Variants in DCC observed in about 807,000 individuals in gnomAD.
The protein encoded by DCC is netrin receptor DCC.
Under a neutral mutation model 172.5 loss-of-function variants are expected in DCC, and 58 were observed. The observed-to-expected ratio is 0.34, with a 90% CI of 0.27 to 0.42. The LOEUF (loss-of-function observed/expected upper bound fraction) is 0.42, where lower values mean the gene tolerates loss of function less well. DCC is among the 10% of genes least tolerant of loss of function. The probability of loss-of-function intolerance (pLI) is 1.00; values close to 1 mark genes in which losing one functional copy is unlikely to be tolerated. For synonymous variants in DCC, 709 were observed against 644.5 expected, an observed-to-expected ratio of 1.10 and a Z score of -1.52; for missense variants, 1,740 against 1,791.0, an observed-to-expected ratio of 0.97 and a Z score of 0.51.
In DCC at chr18:53,520,681, A is replaced by C. The variant is rs72918286; in HGVS notation, c.4112-5936A>C. ...TGAATCTACACACAAAAAAATACAAACATCATGTAGGGATGGAGTTATGCA... is the reference window on the plus strand; with the variant it reads ...TGAATCTACACACAAAAAAATACAACCATCATGTAGGGATGGAGTTATGCA... On this transcript the variant is annotated intron_variant, in intron 27 of 28. Transcript: ENST00000442544. Among the ~76,000 whole-genome samples, 371 of 152,146 alleles carry C rather than the reference A, an allele frequency of 2.4e-3. 2 individuals are homozygous for C. The highest frequency in any genetic ancestry group is 0.015 in the East Asian group (77 of 5,150).
At chr18:52,978,351 T>A (rs1045471892) in intron 5 of DCC, among the ~76,000 whole-genome samples, 1 of 151,960 alleles carries the variant, frequency 6.6e-6, no homozygotes, top group African/African-American at 2.4e-5. Context: ...AACAGAGAAG[T>A]GGGCAACACC....
chr18:53,487,679 G>T (rs1212640745), intron 26 of DCC, among the ~76,000 whole-genome samples: 1 of 151,960 alleles, frequency 6.6e-6, no homozygotes, highest in Non-Finnish European at 1.5e-5. Context: ...TTGAGGTAAG[G>T]TATATTTTTC....
intron 1 of DCC, among the ~76,000 whole-genome samples, chr18:52,346,784 T>A (rs2144232760): frequency 6.6e-6 from 1 of 152,316 alleles, no homozygotes; most frequent in South Asian, 2.1e-4. Flanking sequence ...ATGGCATGAC[T>A]TCTGTAGGAA....
intron 1 of DCC, among the ~76,000 whole-genome samples, chr18:52,539,537 T>A (rs7504462): frequency 6.6e-6 from 1 of 152,198 alleles, no homozygotes; most frequent in Admixed American, 6.5e-5. Flanking sequence ...GAACTGCACA[T>A]GCAAGGGATC....
intron 12 of DCC, among the ~76,000 whole-genome samples, chr18:53,259,285 G>C (rs1474598511): frequency 6.6e-6 from 1 of 152,158 alleles, no homozygotes; most frequent in Non-Finnish European, 1.5e-5. Context: ...CTCATTAGTT[G>C]ATGCCGTTTC....
At chr18:53,145,273 C>T (rs2043894326) in intron 7 of DCC, among the ~76,000 whole-genome samples, 1 of 152,026 alleles carries the variant, frequency 6.6e-6, no homozygotes, top group African/African-American at 2.4e-5. Flanking sequence ...GCCACCACGC[C>T]CCGCTAATTG....
intron 1 of DCC, among the ~76,000 whole-genome samples, chr18:52,690,740 T>C (rs2035918418): frequency 6.6e-6 from 1 of 152,072 alleles, no homozygotes; most frequent in Non-Finnish European, 1.5e-5. Flanking sequence ...TATAAATCAA[T>C]GTATAAAATG....
rs186569279 is a variant in DCC, at chr18:52,400,643, A to G, written c.91+59765A>G. Among the ~76,000 whole-genome samples, 483 of 152,242 alleles carry G rather than the reference A, an allele frequency of 3.2e-3. 6 individuals are homozygous for G. Among genetic ancestry groups the G allele is most frequent in the African/African-American group, 0.011 (459 of 41,550 alleles). The stretch of plus-strand genomic sequence containing the variant: ...CATTCTACTATAAAGACACATGAAC[A>G]TGTATGTTTATTGCAGCACTGTTCA... On this transcript the variant is annotated intron_variant, in intron 1 of 28. Coordinates refer to ENST00000442544, the MANE Select transcript of DCC (RefSeq NM_005215.4).
At chr18:52,836,276 C>T (rs1372036678) in intron 2 of DCC, among the ~76,000 whole-genome samples, 1 of 152,146 alleles carries the variant, frequency 6.6e-6, no homozygotes, top group Non-Finnish European at 1.5e-5. Context: ...CCTGGTTCCT[C>T]TCAAATTTCA....
At chr18:53,085,718 A>G (rs2042869449) in intron 7 of DCC, among the ~76,000 whole-genome samples, 1 of 151,860 alleles carries the variant, frequency 6.6e-6, no homozygotes, top group Non-Finnish European at 1.5e-5. Flanking sequence ...GGAAGATGGT[A>G]GAATCATCAC....
At chr18:52,465,566 A>G (rs542817347) in intron 1 of DCC, among the ~76,000 whole-genome samples, 377 of 152,240 alleles carry the variant, frequency 2.5e-3, no homozygotes, top group African/African-American at 8.3e-3. Flanking sequence ...TGGGCTTCAC[A>G]ATAGATCCCC....
chr18:52,927,366 T>C (rs1162409479), intron 5 of DCC, among the ~76,000 whole-genome samples: 1 of 151,654 alleles, frequency 6.6e-6, no homozygotes, highest in Admixed American at 6.6e-5. Flanking sequence ...TTGATACATA[T>C]AAAACTATCC....
intron 7 of DCC, among the ~76,000 whole-genome samples, chr18:53,069,441 G>T (rs1020209276): frequency 1.3e-5 from 2 of 152,090 alleles, no homozygotes; most frequent in African/African-American, 2.4e-5. Flanking sequence ...TTCCCAAGAG[G>T]TCCTGTCTGC....
At chr18:52,704,631 T>A (rs1427437408) in intron 1 of DCC, among the ~76,000 whole-genome samples, 1 of 152,196 alleles carries the variant, frequency 6.6e-6, no homozygotes, top group Non-Finnish European at 1.5e-5. Flanking sequence ...TGATGTGCCC[T>A]CTTGTTATAC....
At chr18:52,945,747 C>A (rs1186166677) in intron 5 of DCC, among the ~76,000 whole-genome samples, 1 of 146,358 alleles carries the variant, frequency 6.8e-6, no homozygotes, top group African/African-American at 2.5e-5. Context: ...CAGCCTCCCC[C>A]AAGCTGTCCA....
chr18:52,868,362 G>C (rs2039262878), intron 2 of DCC, among the ~76,000 whole-genome samples: 1 of 152,164 alleles, frequency 6.6e-6, no homozygotes, highest in Admixed American at 6.5e-5. Context: ...CCCAGAAGTA[G>C]GCTAAGATTG....
At chr18:53,350,111 G>A (rs2057772673) in intron 15 of DCC, among the ~76,000 whole-genome samples, 2 of 152,030 alleles carry the variant, frequency 1.3e-5, no homozygotes, top group South Asian at 2.1e-4. Context: ...TACAGACACA[G>A]CCATTGTTTT....
intron 2 of DCC, among the ~76,000 whole-genome samples, chr18:52,765,986 C>A (rs2037244793): frequency 6.6e-6 from 1 of 152,160 alleles, no homozygotes; most frequent in Non-Finnish European, 1.5e-5. Flanking sequence ...TTTCCCTGAC[C>A]CCTTCACTGG....
At chr18:52,716,214 C>G (rs916439749) in intron 1 of DCC, among the ~76,000 whole-genome samples, 2 of 152,220 alleles carry the variant, frequency 1.3e-5, no homozygotes, top group African/African-American at 4.8e-5. Flanking sequence ...TCCCAGGGGG[C>G]TCCTCTTTTC....
Sources: allele counts gnomAD v4.1 joint callset (sites outside exome capture counted in the v4.1 genomes callset), GRCh38; gene constraint gnomAD v4.1.1; transcripts MANE v1.5; gene names NCBI Gene and HGNC (gene_info 2026-07-23, HGNC 2026-07-21).